Variants in VPS41 observed in about 807,000 individuals in gnomAD.
VPS41 encodes the protein vacuolar protein sorting-associated protein 41 homolog.
A neutral mutation model predicts 130.9 loss-of-function variants in VPS41; 85 were observed. The ratio of observed to expected loss-of-function variants is 0.65; its 90% confidence interval spans 0.55 to 0.78. VPS41 has a LOEUF of 0.78. VPS41 is among the 30% of genes least tolerant of loss of function. The probability of loss-of-function intolerance (pLI) is 0.00; values close to 1 mark genes in which losing one functional copy is unlikely to be tolerated. For synonymous variants in VPS41, 335 were observed against 332.9 expected (o/e 1.01, Z -0.07); for missense variants, 874 against 1,018.7 (o/e 0.86, Z 1.93).
Position 38,894,394 on chromosome 7 carries a change from A to G in VPS41, c.60+3697T>C, listed in dbSNP as rs138584837. Among the ~76,000 whole-genome samples the G allele has an allele frequency of 8.1e-3, 1,220 of 151,036 alleles. 10 individuals are homozygous for G. Among genetic ancestry groups the G allele is most frequent in the Non-Finnish European group, 0.013 (887 of 67,786 alleles). The stretch of plus-strand genomic sequence containing the variant: ...CCATAAACTCAGTAGAATCAGTAAT[A>G]TCTAGGAGAGTAACTGTTTTCATAG... On this transcript the variant is annotated intron_variant, in intron 2 of 28. Transcript: ENST00000310301.
At chr7:38,735,751 T>C (rs1204787390) in intron 25 of VPS41, among the ~76,000 whole-genome samples, 1 of 152,196 alleles carries the variant, frequency 6.6e-6, no homozygotes, top group Non-Finnish European at 1.5e-5. Context: ...TTATAAGTCA[T>C]CAAGTATATG....
chr7:38,906,554 G>A (rs778588602), intron 1 of VPS41, among the ~76,000 whole-genome samples: 12 of 152,018 alleles, frequency 7.9e-5, no homozygotes, highest in Admixed American at 5.9e-4. Flanking sequence ...GCCCAGGCTC[G>A]TCTCGAACTC....
At chr7:38,820,957 GTA>G (rs112451078) in intron 6 of VPS41, among the ~76,000 whole-genome samples, 4,176 of 150,434 alleles carry the variant, frequency 0.028, 84 homozygotes, top group African/African-American at 0.062. Flanking sequence ...GTGTGTGTGT[GTA>G]TGTGTGTGTG....
intron 4 of VPS41, among the ~76,000 whole-genome samples, chr7:38,838,190 A>C (rs1367540871): frequency 6.6e-6 from 1 of 152,148 alleles, no homozygotes; most frequent in Non-Finnish European, 1.5e-5. Flanking sequence ...TACCATTTCT[A>C]TACACTGAAA....
intron 22 of VPS41, among the ~76,000 whole-genome samples, chr7:38,748,219 G>C (rs561875180): frequency 4.6e-5 from 7 of 152,140 alleles, no homozygotes; most frequent in African/African-American, 1.7e-4. Flanking sequence ...ACATGCGCGC[G>C]CGTGCGCGCA....
intron 2 of VPS41, among the ~76,000 whole-genome samples, chr7:38,876,005 T>G (rs1047244580): frequency 2.6e-5 from 4 of 152,226 alleles, no homozygotes; most frequent in Non-Finnish European, 5.9e-5. Flanking sequence ...TACATACGGT[T>G]AAATGAGTAG....
chr7:38,776,840 GA>G, intron 10 of VPS41, 64 bp from the exon 11 acceptor site: 1 of 903,926 alleles, frequency 1.1e-6, no homozygotes. Context: ...ACATCTGGAG[GA>G]ACACAATGAC....
intron 7 of VPS41, among the ~76,000 whole-genome samples, chr7:38,797,952 T>G (rs1281875022): frequency 6.6e-6 from 1 of 152,178 alleles, no homozygotes; most frequent in Non-Finnish European, 1.5e-5. Context: ...TTTGAAGTTG[T>G]GTGACTTCAC....
intron 4 of VPS41, among the ~76,000 whole-genome samples, chr7:38,839,795 T>C (rs1785572164): frequency 1.3e-5 from 2 of 152,230 alleles, no homozygotes; most frequent in Non-Finnish European, 2.9e-5. Context: ...ATCTTTTCAG[T>C]TGCTCTAAGA....
chr7:38,907,715 G>A (rs1419127054), intron 1 of VPS41, among the ~76,000 whole-genome samples: 1 of 151,740 alleles, frequency 6.6e-6, no homozygotes, highest in Admixed American at 6.6e-5. Flanking sequence ...TTTTTTCAAT[G>A]GAAGAAAAAA....
Position 38,821,273 on chromosome 7 carries a change from G to A in VPS41, c.322-8C>T. ...CAGTCCAAATACCTGCACCTACAAA[G>A]AAAATGGATTGTATCAGCTCACCAT... On this transcript the variant is annotated splice_polypyrimidine_tract_variant and splice_region_variant and intron_variant, in intron 5 of 28. Transcript: ENST00000310301. 6.2e-7 allele frequency: 1 copy of A among 1,611,410 alleles called. No individual in the cohort carries two copies. Among genetic ancestry groups the A allele is most frequent in the Non-Finnish European group, 8.5e-7 (1 of 1,177,828 alleles).
In VPS41 at chr7:38,777,082, C is replaced by T. The variant is rs558614827; in HGVS notation, c.785-306G>A. Among the ~76,000 whole-genome samples, 3 of 152,272 alleles carry T rather than the reference C, an allele frequency of 2.0e-5. No homozygotes were observed. The South Asian group carries it at 6.2e-4, about 32-fold the overall frequency. On this transcript the variant is annotated intron_variant, in intron 10 of 28. Coordinates refer to ENST00000310301, the MANE Select transcript of VPS41 (RefSeq NM_014396.4). ...AGGTAGTTTAAAATGACATAGACTA[C>T]ATGAAGATGCTTTGAAACCCATAAA...
chr7:38,745,730 A>C (rs1200589932), intron 22 of VPS41, 117 bp from the exon 23 acceptor site: 1 of 786,622 alleles, frequency 1.3e-6, no homozygotes, highest in Non-Finnish European at 2.1e-6. Context: ...TAAAAATAAA[A>C]CAAAGCAAAC....
At chr7:38,730,888 T>A (rs535727067) in intron 25 of VPS41, among the ~76,000 whole-genome samples, 1 of 152,244 alleles carries the variant, frequency 6.6e-6, no homozygotes, top group South Asian at 2.1e-4. Flanking sequence ...CAGAGGCCAC[T>A]GTGTCTACAA....
chr7:38,877,931 C>G (rs1786524592), intron 2 of VPS41, among the ~76,000 whole-genome samples: 1 of 152,160 alleles, frequency 6.6e-6, no homozygotes, highest in Admixed American at 6.5e-5. Flanking sequence ...CCGACCCCTG[C>G]CCTACCCCTT....
Position 38,726,286 on chromosome 7 carries a change from T to A in VPS41, c.2525A>T (p.Asn842Ile). 6.2e-7 allele frequency: 1 copy of A among 1,614,076 alleles called. No individual in the cohort carries two copies. Among genetic ancestry groups the A allele is most frequent in the Non-Finnish European group, 8.5e-7 (1 of 1,179,924 alleles). ...CAAAATTGCACTTCCTGGTCCACGG[T>A]TCTTAGCACTGCAGATGTTGCAGAA... is the stretch of plus-strand genomic sequence containing the variant. ...AQFCNICSAK[N>I]RGPGSAILEM... Residue 842 changes from asparagine (N) to isoleucine (I), a missense_variant, in exon 29 of 29, where the codon AAC becomes ATC. Asn to Ile is a moderately radical substitution (Grantham distance 149, BLOSUM62 -3). Transcript: ENST00000310301.
At chr7:38,761,293 T>C (rs1237224309) in intron 17 of VPS41, among the ~76,000 whole-genome samples, 2 of 83,668 alleles carry the variant, frequency 2.4e-5, no homozygotes, top group Non-Finnish European at 4.4e-5. Context: ...TTTTTTTTTT[T>C]CAGGTGGTGT....
intron 21 of VPS41, among the ~76,000 whole-genome samples, chr7:38,753,490 G>C (rs1303126861): frequency 6.6e-6 from 1 of 152,036 alleles, no homozygotes; most frequent in Admixed American, 6.6e-5. Context: ...GGGATATGTG[G>C]TGCTGTTTCC....
chr7:38,867,066 T>C (rs570886534), intron 3 of VPS41, among the ~76,000 whole-genome samples: 2 of 152,190 alleles, frequency 1.3e-5, no homozygotes, highest in East Asian at 3.9e-4. Flanking sequence ...ACACAAGAGA[T>C]CAAATAATGT....
Sources: allele counts gnomAD v4.1 joint callset (sites outside exome capture counted in the v4.1 genomes callset), GRCh38; gene constraint gnomAD v4.1.1; transcripts MANE v1.5; gene names NCBI Gene and HGNC (gene_info 2026-07-23, HGNC 2026-07-21).